Variants in GRIA1 observed in about 807,000 individuals in gnomAD.
GRIA1 encodes glutamate receptor 1.
A neutral mutation model predicts 99.2 loss-of-function variants in GRIA1; 31 were observed. The ratio of observed to expected loss-of-function variants is 0.31; its 90% CI spans 0.23 to 0.42. The LOEUF (loss-of-function observed/expected upper bound fraction) is 0.42, where lower values mean the gene tolerates loss of function less well. Among genes scored for constraint, GRIA1 ranks in the 10% least tolerant of loss-of-function variants. GRIA1 has a pLI of 1.00. For missense variants in GRIA1, 782 were observed against 1,157.5 expected (o/e 0.68, Z 4.71); for synonymous variants, 438 against 432.4 (o/e 1.01, Z -0.16).
In GRIA1 at chr5:153,732,091, A is replaced by AAT. The variant is rs1761076799; in HGVS notation, c.1823+26032_1823+26033dup. On this transcript the variant is annotated intron_variant, in intron 11 of 15. Coordinates refer to ENST00000285900, the MANE Select transcript of GRIA1 (RefSeq NM_000827.4). Reference sequence around the variant, plus strand: ...AGGATGTACTTCTTTTTTAAGGCTGAATATATATACCACATTTTCTTTTTC... The same window carrying AAT: ...AGGATGTACTTCTTTTTTAAGGCTGAATATATATATACCACATTTTCTTTTTC... 4.6e-5 allele frequency among the ~76,000 whole-genome samples: 7 copies of AAT among 151,800 alleles called. No homozygotes were observed. In the South Asian group the frequency reaches 1.5e-3, roughly 31 times the overall value.
At chr5:153,523,096 T>C (rs111398569) in intron 2 of GRIA1, among the ~76,000 whole-genome samples, 3 of 151,040 alleles carry the variant, frequency 2.0e-5, no homozygotes, top group African/African-American at 4.9e-5. Flanking sequence ...ACCTCTCTCT[T>C]ATCATGTCAT....
intron 13 of GRIA1, among the ~76,000 whole-genome samples, chr5:153,786,784 G>C (rs1279652881): frequency 6.6e-6 from 1 of 152,176 alleles, no homozygotes; most frequent in Non-Finnish European, 1.5e-5. Flanking sequence ...GCATTGCAGA[G>C]CAACCAGGTC....
rs76954742 is a variant in GRIA1 at position 153,541,003 on chromosome 5, G to A, written c.220+46938G>A. Among the ~76,000 whole-genome samples, 180 of 152,238 alleles carry A rather than the reference G, an allele frequency of 1.2e-3. 1 individual carries two copies. Among genetic ancestry groups the A allele is most frequent in the Middle Eastern group, 3.4e-3 (1 of 294 alleles). ...GCAGTACCCAAAACCTGCAGGACCC[G>A]GGAGGTCACAATTCCCATTTCCAGG... On this transcript the variant is annotated intron_variant, in intron 2 of 15. Transcript: ENST00000285900.
At chr5:153,516,657 C>T (rs978261582) in intron 2 of GRIA1, among the ~76,000 whole-genome samples, 8 of 152,014 alleles carry the variant, frequency 5.3e-5, no homozygotes, top group African/African-American at 1.7e-4. Context: ...TGAGCTGGAG[C>T]ACCTGTTGGC....
intron 13 of GRIA1, among the ~76,000 whole-genome samples, chr5:153,783,241 G>A (rs912556237): frequency 1.3e-5 from 2 of 152,216 alleles, no homozygotes; most frequent in South Asian, 4.1e-4. Context: ...GCTGAGATGA[G>A]ACCAGTGAGC....
intron 2 of GRIA1, among the ~76,000 whole-genome samples, chr5:153,562,537 T>C (rs1422161841): frequency 6.6e-6 from 1 of 152,234 alleles, no homozygotes; most frequent in Non-Finnish European, 1.5e-5. Context: ...CATTCATTCA[T>C]TGGAAATTCA....
intron 2 of GRIA1, among the ~76,000 whole-genome samples, chr5:153,615,236 G>A (rs369586535): frequency 7.9e-5 from 12 of 152,238 alleles, no homozygotes; most frequent in East Asian, 3.9e-4. Flanking sequence ...CTAAGTACTC[G>A]TTATTAAGTC....
chr5:153,656,490 C>T lies in GRIA1; in HGVS notation c.699+618C>T, dbSNP rs1340593427. Reference sequence around the variant, plus strand: ...TTACAAAGAAAACAACTCATCAAATCATTTTTTGTATATATTAAATTTTAC... The same window carrying T: ...TTACAAAGAAAACAACTCATCAAATTATTTTTTGTATATATTAAATTTTAC... On this transcript the variant is annotated intron_variant, in intron 5 of 15. Coordinates refer to ENST00000285900, the MANE Select transcript of GRIA1 (RefSeq NM_000827.4). 3.4e-5 allele frequency among the ~76,000 whole-genome samples: 5 copies of T among 148,982 alleles called. No individual in the cohort carries two copies. The South Asian group carries it at 1.1e-3, about 32-fold the overall frequency.
chr5:153,756,149 G>A (rs2149596297), intron 11 of GRIA1, among the ~76,000 whole-genome samples: 1 of 152,336 alleles, frequency 6.6e-6, no homozygotes, highest in Admixed American at 6.5e-5. Flanking sequence ...CAAGGAACCA[G>A]AGGGAAACTC....
intron 11 of GRIA1, among the ~76,000 whole-genome samples, chr5:153,736,369 A>G (rs1372536255): frequency 1.3e-5 from 2 of 152,226 alleles, no homozygotes; most frequent in Non-Finnish European, 2.9e-5. Context: ...TATCATTTCC[A>G]TAAGACAAGA....
At chr5:153,720,826 T>G (rs1760005264) in intron 11 of GRIA1, among the ~76,000 whole-genome samples, 1 of 152,204 alleles carries the variant, frequency 6.6e-6, no homozygotes, top group East Asian at 1.9e-4. Context: ...AGTTCTGTAT[T>G]CTCCTTAGTA....
intron 2 of GRIA1, among the ~76,000 whole-genome samples, chr5:153,571,025 C>T (rs894813856): frequency 7.9e-5 from 12 of 152,174 alleles, no homozygotes; most frequent in Non-Finnish European, 8.8e-5. Context: ...CCAGTCCTCA[C>T]ACTACATGGT....
intron 11 of GRIA1, among the ~76,000 whole-genome samples, chr5:153,719,944 C>A (rs1479284641): frequency 1.3e-5 from 2 of 152,140 alleles, no homozygotes; most frequent in Non-Finnish European, 2.9e-5. Context: ...CTCTCTCTCT[C>A]CAAGTAGAGG....
In GRIA1 at chr5:153,646,995, G is replaced by T; in HGVS notation, c.288G>T (p.Met96Ile). The change falls in exon 3 of 16, where the codon ATG becomes ATT. Residue 96 changes from methionine (M) to isoleucine (I), a missense_variant. Met to Ile is a conservative substitution (Grantham distance 10). Transcript: ENST00000285900. The stretch of plus-strand genomic sequence containing the variant: ...TTTATGAACGTAGGACTGTCAACAT[G>T]CTGACCTCCTTTTGTGGGGCCCTCC... ...FGFYERRTVNMLTSFCGALHV... is the reference protein window; with the variant it reads ...FGFYERRTVNILTSFCGALHV... The T allele has an allele frequency of 6.2e-7, 1 of 1,613,942 alleles. No individual in the cohort carries two copies. The highest frequency in any genetic ancestry group is 8.5e-7 in the Non-Finnish European group (1 of 1,179,864).
At chr5:153,561,555 A>G (rs940539827) in intron 2 of GRIA1, among the ~76,000 whole-genome samples, 6 of 152,154 alleles carry the variant, frequency 3.9e-5, no homozygotes, top group Admixed American at 3.3e-4. Context: ...TAGTTACTAT[A>G]TGGGAACTCA....
chr5:153,682,350 G>A (rs1258709770), intron 7 of GRIA1, among the ~76,000 whole-genome samples: 2 of 152,212 alleles, frequency 1.3e-5, no homozygotes, highest in African/African-American at 4.8e-5. Flanking sequence ...AATGAGGGCA[G>A]GGGAGAGCAG....
At chr5:153,776,492 G>A (rs1349438628) in intron 13 of GRIA1, among the ~76,000 whole-genome samples, 1 of 152,088 alleles carries the variant, frequency 6.6e-6, no homozygotes, top group Non-Finnish European at 1.5e-5. Context: ...CCCTGGAAAG[G>A]ACACAAGCTT....
At chr5:153,762,609 T>G (rs1350363444) in intron 11 of GRIA1, among the ~76,000 whole-genome samples, 1 of 152,162 alleles carries the variant, frequency 6.6e-6, no homozygotes, top group East Asian at 1.9e-4. Flanking sequence ...CACAATCTCA[T>G]AAATGGAAAA....
chr5:153,546,096 A>G (rs1348565107), intron 2 of GRIA1, among the ~76,000 whole-genome samples: 1 of 152,248 alleles, frequency 6.6e-6, no homozygotes, highest in Admixed American at 6.5e-5. Context: ...CATCTTAGGT[A>G]CTTAACTTGT....
Sources: gnomAD v4.1 joint callset for allele counts (sites outside exome capture counted in the v4.1 genomes callset) on GRCh38, gnomAD v4.1.1 for gene constraint, MANE v1.5 for transcripts, NCBI Gene and HGNC (gene_info 2026-07-23, HGNC 2026-07-21) for gene names.